The following PRKCZ variants were observed in gnomAD, a reference collection of about 807,000 sequenced individuals.
PRKCZ encodes the protein protein kinase C zeta type.
PRKCZ carries 33 observed loss-of-function variants against 79.5 expected under a neutral mutation model. That is an observed-to-expected ratio of 0.41 (90% confidence interval 0.31 to 0.55). The LOEUF is 0.55. PRKCZ is among the 20% of genes least tolerant of loss of function. PRKCZ has a pLI of 0.19. For synonymous variants in PRKCZ, 342 were observed against 320.9 expected, an observed-to-expected ratio of 1.07 and a Z score of -0.70; for missense variants, 578 against 813.5, an observed-to-expected ratio of 0.71 and a Z score of 3.52.
In PRKCZ at chr1:2,166,538, A is replaced by G. The variant is rs541122550; in HGVS notation, c.975-2980A>G. On this transcript the variant is annotated intron_variant, in intron 10 of 17. Transcript: ENST00000378567. ...GAGCGTTAATGCCAGGACAGGGAGC[A>G]GGGAGGGGCATCCCCAGCGCCTCCA... 2.2e-3 allele frequency among the ~76,000 whole-genome samples: 340 copies of G among 152,304 alleles called. 1 individual carries two copies. The highest frequency in any genetic ancestry group is 7.7e-3 in the African/African-American group (322 of 41,562).
At chr1:2,062,951 C>T (rs1660823184) in intron 4 of PRKCZ, among the ~76,000 whole-genome samples, 1 of 152,224 alleles carries the variant, frequency 6.6e-6, no homozygotes, top group African/African-American at 2.4e-5. Context: ...CCCCAGCCCC[C>T]ATCACCCACC....
At chr1:2,099,719 C>T (rs1381121111) in intron 4 of PRKCZ, among the ~76,000 whole-genome samples, 4 of 152,270 alleles carry the variant, frequency 2.6e-5, no homozygotes, top group Middle Eastern at 3.4e-3. Context: ...GAGGGCCCCT[C>T]GGGAGCCCCT....
At chr1:2,085,481 G>A (rs748314377) in intron 4 of PRKCZ, among the ~76,000 whole-genome samples, 13 of 152,380 alleles carry the variant, frequency 8.5e-5, no homozygotes, top group Admixed American at 2.0e-4. Flanking sequence ...TGCTGCGCAC[G>A]GTGCTTTTTG....
intron 4 of PRKCZ, among the ~76,000 whole-genome samples, chr1:2,113,121 G>C (rs1373414755): frequency 6.6e-6 from 1 of 152,284 alleles, no homozygotes; most frequent in Non-Finnish European, 1.5e-5. Flanking sequence ...TCTGGAGCCG[G>C]GCACTGCCTG....
At position 2,050,679 on chromosome 1, in the gene PRKCZ, C is replaced by A; in HGVS notation, c.49C>A (p.Arg17Ser). 1 of 1,227,260 alleles carries A rather than the reference C, an allele frequency of 8.1e-7. No homozygotes were observed. The highest frequency in any genetic ancestry group is 4.2e-5 in the Admixed American group (1 of 23,552). The allele number at this position is 1,227,260 out of a possible 1,614,324, so 76.0% of individuals were successfully genotyped here. ...GATGGAAGGGAGCGGCGGCCGCGTC[C>A]GCCTCAAGGCGCATTACGGGGGGTG... ...PKMEGSGGRV[R>S]LKAHYGGDIF... is the part of the protein sequence containing the mutation. Residue 17 changes from arginine (R) to serine (S), a missense_variant, in exon 1 of 18, where the codon CGC (arginine) becomes AGC (serine). Physicochemically the swap from Arg to Ser is moderately radical, Grantham distance 110 (BLOSUM62 -1). Transcript: ENST00000378567.
chr1:2,110,286 CAG>C (rs1443072405), intron 4 of PRKCZ, among the ~76,000 whole-genome samples: 3 of 152,192 alleles, frequency 2.0e-5, no homozygotes, highest in African/African-American at 7.2e-5. Context: ...AGGTGAGAAA[CAG>C]AACGGCCAGG....
intron 4 of PRKCZ, among the ~76,000 whole-genome samples, chr1:2,116,547 T>G (rs1478288809): frequency 6.6e-6 from 1 of 152,196 alleles, no homozygotes; most frequent in Non-Finnish European, 1.5e-5. Flanking sequence ...GGATGGTGTC[T>G]TCTGATGAAC....
intron 10 of PRKCZ, among the ~76,000 whole-genome samples, chr1:2,164,855 G>A (rs566972851): frequency 9.2e-5 from 14 of 152,234 alleles, no homozygotes; most frequent in African/African-American, 3.4e-4. Context: ...TTACCCTGCC[G>A]AGGCTGGGTG....
At chr1:2,076,447 A>G (rs1054495187) in intron 4 of PRKCZ, among the ~76,000 whole-genome samples, 2 of 152,234 alleles carry the variant, frequency 1.3e-5, no homozygotes, top group Non-Finnish European at 2.9e-5. Context: ...AAAGGGCAGA[A>G]AAAGCTTTGT....
chr1:2,117,833 T>C (rs529020265), intron 4 of PRKCZ, among the ~76,000 whole-genome samples: 25 of 152,268 alleles, frequency 1.6e-4, no homozygotes, highest in Non-Finnish European at 3.5e-4. Flanking sequence ...GTTCATACGA[T>C]GAATTCTATG....
At position 2,125,671 on chromosome 1, in the gene PRKCZ, G is replaced by T. The variant is rs757659635; in HGVS notation, c.335-9591G>T. 6.6e-6 allele frequency among the ~76,000 whole-genome samples: 1 copy of T among 152,234 alleles called. No individual in the cohort carries two copies. Among genetic ancestry groups the T allele is most frequent in the Non-Finnish European group, 1.5e-5 (1 of 68,038 alleles). On this transcript the variant is annotated intron_variant, in intron 4 of 17. Coordinates refer to ENST00000378567, the MANE Select transcript of PRKCZ (RefSeq NM_002744.6). This position sits in a 1 kb window ranked among gnomAD's most constrained non-coding sequence, Gnocchi z 4.2. ...CTGTGGTGCCTCCCGCTTTCCATCC[G>T]CATTCCATGGCAGGTGAGTCTGATT...
intron 4 of PRKCZ, 177 bp from the exon 5 acceptor site, chr1:2,135,085 A>G: frequency 1.8e-6 from 1 of 548,596 alleles, no homozygotes; most frequent in Non-Finnish European, 3.3e-6. Context: ...CATGAGGATC[A>G]TGTGAGGAGG....
chr1:2,096,311 C>T (rs1202812713), intron 4 of PRKCZ, among the ~76,000 whole-genome samples: 1 of 151,936 alleles, frequency 6.6e-6, no homozygotes, highest in Non-Finnish European at 1.5e-5. Flanking sequence ...GCATCAGAGG[C>T]CAGTTTGGCA....
chr1:2,055,771 G>A (rs1295655788), intron 2 of PRKCZ: 2 of 668,582 alleles, frequency 3.0e-6, no homozygotes, highest in Admixed American at 3.5e-5. Flanking sequence ...GATGCCCCTA[G>A]GAAGGGCTCT....
chr1:2,182,434 A>T (rs939935897), intron 16 of PRKCZ: 4 of 155,300 alleles, frequency 2.6e-5, no homozygotes, highest in African/African-American at 7.2e-5. Flanking sequence ...GGCAGGGTGC[A>T]TCTGTTTGGG....
intron 10 of PRKCZ, among the ~76,000 whole-genome samples, chr1:2,164,833 ATGT>A (rs1571938361): frequency 1.3e-5 from 2 of 151,586 alleles, no homozygotes; most frequent in East Asian, 3.9e-4. Flanking sequence ...GGCTTTCGTG[ATGT>A]TGTGAGCTTT....
intron 4 of PRKCZ, among the ~76,000 whole-genome samples, chr1:2,113,726 G>A (rs1467217): frequency 0.52 from 78,755 of 151,946 alleles, 21,591 homozygotes; most frequent in Middle Eastern, 0.63. Context: ...AATGCTGGGG[G>A]GTGGGTGAGA....
chr1:2,112,691 GTTT>G (rs147375796), intron 4 of PRKCZ, among the ~76,000 whole-genome samples: 100 of 146,492 alleles, frequency 6.8e-4, no homozygotes, highest in Non-Finnish European at 1.2e-3. Flanking sequence ...TGGTTGGTTG[GTTT>G]TTTTTTTTTT....
intron 2 of PRKCZ, 49 bp from the exon 3 acceptor site, chr1:2,056,435 T>G (rs375036153): frequency 2.6e-4 from 411 of 1,555,356 alleles, no homozygotes; most frequent in Middle Eastern, 7.7e-4. Context: ...CACAGCCCCC[T>G]TTGCCTCGGG....
Sources: gnomAD v4.1 joint callset for allele counts (sites outside exome capture counted in the v4.1 genomes callset) on GRCh38, gnomAD v4.1.1 for gene constraint, Gnocchi (gnomAD v3.1) non-coding constraint, MANE v1.5 for transcripts, NCBI Gene and HGNC (gene_info 2026-07-23, HGNC 2026-07-21) for gene names.